The following GPR39 variants were observed in gnomAD, a reference collection of about 807,000 sequenced individuals.
GPR39 encodes the protein G protein-coupled receptor 39.
Under a neutral mutation model 18.4 loss-of-function variants are expected in GPR39, and 23 were observed. That is an observed-to-expected ratio of 1.25 (90% CI 0.90 to 1.77). The LOEUF is 1.77. Among genes scored for constraint, GPR39 ranks in the 40% most tolerant of loss-of-function variants. The probability of loss-of-function intolerance (pLI) is 0.00; values close to 1 mark genes in which losing one functional copy is unlikely to be tolerated. For synonymous variants in GPR39, 280 were observed against 257.9 expected (o/e 1.09, Z -0.82); for missense variants, 647 against 602.4 (o/e 1.07, Z -0.78).
intron 1 of GPR39, among the ~76,000 whole-genome samples, chr2:132,614,273 C>T (rs187777350): frequency 6.6e-6 from 1 of 152,132 alleles, no homozygotes; most frequent in Non-Finnish European, 1.5e-5. Flanking sequence ...GTGGCGCAAT[C>T]TCGGCTCACT....
chr2:132,615,873 G>A (rs564209622), intron 1 of GPR39, among the ~76,000 whole-genome samples: 173 of 151,926 alleles, frequency 1.1e-3, no homozygotes, highest in African/African-American at 3.8e-3. Flanking sequence ...CCTGACACAG[G>A]GAACAAGTGT....
At position 132,436,356 on chromosome 2, in the gene GPR39, A is replaced by G. The variant is rs1220638562; in HGVS notation, c.856+18458A>G. ...ACTCTGCCCCAGGGAGGGAAAAATGACTTTCACTGTGAAGTAAACAGTTGA... is the reference window on the plus strand; with the variant it reads ...ACTCTGCCCCAGGGAGGGAAAAATGGCTTTCACTGTGAAGTAAACAGTTGA... On this transcript the variant is annotated intron_variant, in intron 1 of 1. Coordinates refer to ENST00000329321, the MANE Select transcript of GPR39 (RefSeq NM_001508.3). Among the ~76,000 whole-genome samples, 5 of 152,304 alleles carry G rather than the reference A, an allele frequency of 3.3e-5. No homozygotes were observed. The East Asian group carries it at 9.6e-4, about 29-fold the overall frequency.
At chr2:132,419,259 C>T (rs1025011363) in intron 1 of GPR39, among the ~76,000 whole-genome samples, 1 of 152,136 alleles carries the variant, frequency 6.6e-6, no homozygotes, top group Non-Finnish European at 1.5e-5. Flanking sequence ...GGATGCTACT[C>T]TGCATTAGGG....
At chr2:132,585,949 T>TTTTTTG (rs1491440492) in intron 1 of GPR39, among the ~76,000 whole-genome samples, 1 of 8,892 alleles carries the variant, frequency 1.1e-4, no homozygotes, top group African/African-American at 4.3e-4. Flanking sequence ...GCATCCCCGG[T>TTTTTTG]TTTTTTTTTT....
chr2:132,627,391 C>T (rs1434030289), intron 1 of GPR39, among the ~76,000 whole-genome samples: 1 of 152,164 alleles, frequency 6.6e-6, no homozygotes, highest in Non-Finnish European at 1.5e-5. Flanking sequence ...CACGGAAACT[C>T]AGGACAGGAT....
intron 1 of GPR39, among the ~76,000 whole-genome samples, chr2:132,431,088 G>A (rs900719768): frequency 1.3e-5 from 2 of 152,136 alleles, no homozygotes; most frequent in East Asian, 1.9e-4. Context: ...AATCCCCAGG[G>A]CATGTCTCCT....
intron 1 of GPR39, among the ~76,000 whole-genome samples, chr2:132,455,221 T>C (rs541005842): frequency 8.5e-5 from 13 of 152,334 alleles, no homozygotes; most frequent in Admixed American, 3.3e-4. Context: ...AGGGTGTATG[T>C]GTCCAGGAAT....
At chr2:132,499,714 G>A (rs760829803) in intron 1 of GPR39, among the ~76,000 whole-genome samples, 6 of 151,976 alleles carry the variant, frequency 3.9e-5, no homozygotes, top group African/African-American at 9.7e-5. Flanking sequence ...ATATGTTTCC[G>A]TTTGTTTGTG....
intron 1 of GPR39, among the ~76,000 whole-genome samples, chr2:132,517,668 G>A (rs116153868): frequency 6.3e-4 from 96 of 152,208 alleles, no homozygotes; most frequent in African/African-American, 2.2e-3. Flanking sequence ...GTTATTGATC[G>A]CCAAATTTGT....
chr2:132,436,457 C>T (rs3762464), intron 1 of GPR39, among the ~76,000 whole-genome samples: 32,158 of 151,990 alleles, frequency 0.21, 3,518 homozygotes, highest in African/African-American at 0.25. Context: ...CCCCAGAATT[C>T]ATATTTTTGA....
intron 1 of GPR39, among the ~76,000 whole-genome samples, chr2:132,546,682 A>C (rs1025669913): frequency 6.6e-6 from 1 of 151,546 alleles, no homozygotes; most frequent in Non-Finnish European, 1.5e-5. Flanking sequence ...CTGCCTATAA[A>C]ATAGAAAACT....
At chr2:132,429,267 A>G (rs967668528) in intron 1 of GPR39, among the ~76,000 whole-genome samples, 4 of 152,206 alleles carry the variant, frequency 2.6e-5, no homozygotes, top group Non-Finnish European at 5.9e-5. Context: ...AGTCTCTCAA[A>G]AGAAAACGCT....
In GPR39 at chr2:132,645,358, A is replaced by C; in HGVS notation, c.1114A>C (p.Lys372Gln). Residue 372 changes from lysine to glutamine, a missense_variant, in exon 2 of 2, where the codon AAG becomes CAG. Physicochemically the swap from Lys to Gln is moderately conservative, Grantham distance 53. Around this residue, in one of 3 missense-constraint regions of GPR39, gnomAD observed 581 missense variants for 506.8 expected, o/e 1.15. Transcript: ENST00000329321. ...RLSLQHANHE[K>Q]RLRVHAHSTT... ...GTCGCTGCAGCACGCCAACCACGAG[A>C]AGCGCCTGCGCGTACATGCGCACTC... 6.2e-7 allele frequency: 1 copy of C among 1,614,036 alleles called. No individual in the cohort carries two copies. The highest frequency in any genetic ancestry group is 8.5e-7 in the Non-Finnish European group (1 of 1,180,030).
At chr2:132,582,567 G>A (rs1423323359) in intron 1 of GPR39, among the ~76,000 whole-genome samples, 1 of 152,190 alleles carries the variant, frequency 6.6e-6, no homozygotes, top group Non-Finnish European at 1.5e-5. Context: ...GCCTTACAGA[G>A]CCACAGAGCC....
intron 1 of GPR39, among the ~76,000 whole-genome samples, chr2:132,563,923 G>A (rs1241647299): frequency 6.6e-6 from 1 of 152,202 alleles, no homozygotes; most frequent in Non-Finnish European, 1.5e-5. Context: ...GGACATGGTT[G>A]TAATTGGTGT....
chr2:132,528,090 T>C (rs1679545362), intron 1 of GPR39, among the ~76,000 whole-genome samples: 1 of 152,232 alleles, frequency 6.6e-6, no homozygotes, highest in Non-Finnish European at 1.5e-5. Flanking sequence ...TTAATCCATC[T>C]TGAGTTAATT....
At chr2:132,476,593 G>T (rs1165889746) in intron 1 of GPR39, among the ~76,000 whole-genome samples, 3 of 121,668 alleles carry the variant, frequency 2.5e-5, no homozygotes, top group Admixed American at 1.2e-4. Context: ...CCGAGATCAT[G>T]CCACTGCACT....
intron 1 of GPR39, among the ~76,000 whole-genome samples, chr2:132,434,091 T>G (rs1370169230): frequency 1.3e-5 from 2 of 151,800 alleles, no homozygotes; most frequent in African/African-American, 4.8e-5. Context: ...AGAAAATCAT[T>G]GAGGAGAAAG....
chr2:132,491,961 G>C (rs960953019), intron 1 of GPR39, among the ~76,000 whole-genome samples: 5 of 151,484 alleles, frequency 3.3e-5, no homozygotes, highest in Non-Finnish European at 5.9e-5. Context: ...CACATAGTAA[G>C]TGCTCAAAAA....
Sources: gnomAD v4.1 joint callset for allele counts (sites outside exome capture counted in the v4.1 genomes callset) on GRCh38, gnomAD v4.1.1 for gene constraint, gnomAD v4.1.1 regional missense constraint, MANE v1.5 for transcripts, NCBI Gene and HGNC (gene_info 2026-07-23, HGNC 2026-07-21) for gene names.